Variants in DIP2C observed in about 807,000 individuals in gnomAD.
DIP2C encodes the protein disco-interacting protein 2 homolog C.
DIP2C carries 33 observed loss-of-function variants against 192.4 expected under a neutral mutation model. The observed-to-expected ratio is 0.17, with a 90% CI of 0.13 to 0.23. The LOEUF (loss-of-function observed/expected upper bound fraction) is 0.23, where lower values mean the gene tolerates loss of function less well. DIP2C is among the 10% of genes least tolerant of loss of function. The pLI, the probability that DIP2C is intolerant of heterozygous loss-of-function variation, is 1.00. For missense variants in DIP2C, 1,537 were observed against 2,110.1 expected (o/e 0.73, Z 5.32); for synonymous variants, 979 against 864.1 (o/e 1.13, Z -2.33).
intron 1 of DIP2C, among the ~76,000 whole-genome samples, chr10:569,089 G>A (rs1217250283): frequency 6.6e-6 from 1 of 152,100 alleles, no homozygotes; most frequent in African/African-American, 2.4e-5. Context: ...TGCGGTCAAG[G>A]GTCTGCAAAC....
intron 1 of DIP2C, among the ~76,000 whole-genome samples, chr10:524,492 TTACA>T (rs982681412): frequency 1.3e-5 from 2 of 152,166 alleles, no homozygotes; most frequent in Non-Finnish European, 2.9e-5. Context: ...TTTATATACC[TTACA>T]TATATATGTG....
intron 9 of DIP2C, among the ~76,000 whole-genome samples, chr10:408,645 A>G (rs1417095094): frequency 1.3e-5 from 2 of 152,230 alleles, no homozygotes; most frequent in Non-Finnish European, 2.9e-5. Context: ...AAAAGGCTCT[A>G]CACATAAATG....
chr10:577,723 G>T (rs986249366), intron 1 of DIP2C, among the ~76,000 whole-genome samples: 2 of 152,230 alleles, frequency 1.3e-5, no homozygotes, highest in Admixed American at 6.5e-5. Flanking sequence ...TAATGATGAA[G>T]ACTCTGAACA....
chr10:384,484 T>C, intron 15 of DIP2C, 62 bp downstream of exon 15: 1 of 1,533,000 alleles, frequency 6.5e-7, no homozygotes, highest in Non-Finnish European at 9.0e-7. Context: ...GTGATCCACC[T>C]GCTTTGGCCT....
intron 1 of DIP2C, among the ~76,000 whole-genome samples, chr10:513,561 C>T (rs1301692696): frequency 2.0e-5 from 3 of 152,182 alleles, no homozygotes; most frequent in Non-Finnish European, 2.9e-5. Context: ...CGTGCCACAC[C>T]GCGGTCCACT....
rs7903498 is a variant in DIP2C, at chr10:408,775, T to C, written c.1149+151A>G. The C allele has an allele frequency of 2.9e-4, 192 of 659,908 alleles. No homozygotes were observed. The African/African-American group carries it at 3.2e-3, about 11-fold the overall frequency. The allele number at this position is 659,908 out of a possible 1,614,324, so 40.9% of individuals were successfully genotyped here. A position where few individuals can be genotyped will look rare whatever the true frequency, so the allele number is the denominator to read the frequency against. On this transcript the variant is annotated intron_variant, in intron 9 of 36. Transcript: ENST00000280886. ...GAGACACCATTAATAGTATCTGTCC[T>C]GTGTAACTTACCAGGTAGCAGTTAA...
At position 673,301 on chromosome 10, in the gene DIP2C, A is replaced by G. The variant is rs923640580; in HGVS notation, c.85+16193T>C. Among the ~76,000 whole-genome samples the G allele has an allele frequency of 3.9e-5, 6 of 152,200 alleles. No individual in the cohort carries two copies. The East Asian group carries it at 1.2e-3, about 29-fold the overall frequency. On this transcript the variant is annotated intron_variant, in intron 1 of 36. Coordinates refer to ENST00000280886, the MANE Select transcript of DIP2C (RefSeq NM_014974.3). Reference sequence around the variant, plus strand: ...CAATGCCTGCGATGAATTCCTAACCATTTGAAACCCAGTCTCCTCATCTGT... The same window carrying G: ...CAATGCCTGCGATGAATTCCTAACCGTTTGAAACCCAGTCTCCTCATCTGT...
chr10:538,131 CTG>C (rs1295874080), intron 1 of DIP2C, among the ~76,000 whole-genome samples: 2 of 152,124 alleles, frequency 1.3e-5, no homozygotes, highest in African/African-American at 2.4e-5. Flanking sequence ...TTTCTAGACT[CTG>C]TATCCTCTGT....
intron 1 of DIP2C, among the ~76,000 whole-genome samples, chr10:503,709 C>T (rs967720683): frequency 6.6e-6 from 1 of 152,150 alleles, no homozygotes. Flanking sequence ...TGCCAAACAC[C>T]GAGTTAACGT....
At chr10:300,616 C>T (rs3123235) in intron 32 of DIP2C, among the ~76,000 whole-genome samples, 29,762 of 144,952 alleles carry the variant, frequency 0.21, 1,823 homozygotes, top group East Asian at 0.37. Context: ...GTGGAGAAGC[C>T]GGAACCCAGG....
chr10:398,117 G>GT (rs1335020906), intron 10 of DIP2C, among the ~76,000 whole-genome samples: 1 of 152,208 alleles, frequency 6.6e-6, no homozygotes, highest in African/African-American at 2.4e-5. Context: ...GCTCTCTCTT[G>GT]TGGGGAAAAT....
In DIP2C at chr10:448,787, C is replaced by T. The variant is rs1172437208; in HGVS notation, c.269-7791G>A. On this transcript the variant is annotated intron_variant, in intron 3 of 36. Coordinates refer to ENST00000280886, the MANE Select transcript of DIP2C (RefSeq NM_014974.3). Reference sequence around the variant, plus strand: ...ACTCACCCCTGTCGATACTCAGGATCACACACAGTGGGGCAGCAGGACCCA... The same window carrying T: ...ACTCACCCCTGTCGATACTCAGGATTACACACAGTGGGGCAGCAGGACCCA... Among the ~76,000 whole-genome samples, 76 of 146,368 alleles carry T rather than the reference C, an allele frequency of 5.2e-4. 1 individual carries two copies. The highest frequency in any genetic ancestry group is 1.7e-3 in the African/African-American group (65 of 38,024).
intron 1 of DIP2C, among the ~76,000 whole-genome samples, chr10:604,708 T>G (rs1852344355): frequency 6.6e-6 from 1 of 152,260 alleles, no homozygotes; most frequent in African/African-American, 2.4e-5. Context: ...AAAAGACATT[T>G]GTCAATCTAT....
At chr10:375,167 C>T (rs536338775) in intron 17 of DIP2C, among the ~76,000 whole-genome samples, 2 of 152,224 alleles carry the variant, frequency 1.3e-5, no homozygotes, top group Admixed American at 6.5e-5. Flanking sequence ...TGAAATGTGA[C>T]GTCCAACAAT....
intron 1 of DIP2C, among the ~76,000 whole-genome samples, chr10:534,955 C>T (rs994243114): frequency 5.9e-5 from 9 of 152,112 alleles, no homozygotes; most frequent in Non-Finnish European, 1.0e-4. Flanking sequence ...GGATTACAGG[C>T]GTGAGCCACC....
intron 1 of DIP2C, among the ~76,000 whole-genome samples, chr10:524,856 G>A (rs569312336): frequency 6.0e-5 from 9 of 151,194 alleles, no homozygotes; most frequent in Admixed American, 1.3e-4. Context: ...ATTTTAAAGC[G>A]TAATGATGTC....
chr10:408,273 G>A (rs928560405), intron 9 of DIP2C, among the ~76,000 whole-genome samples: 1 of 150,530 alleles, frequency 6.6e-6, no homozygotes, highest in Non-Finnish European at 1.5e-5. Context: ...TTATCTCTGG[G>A]CCCTTTATTC....
intron 10 of DIP2C, among the ~76,000 whole-genome samples, chr10:394,627 G>A (rs868541677): frequency 1.4e-5 from 2 of 146,850 alleles, no homozygotes; most frequent in Middle Eastern, 4.2e-3. Flanking sequence ...ATGCTGAACA[G>A]GAAGGACATT....
intron 24 of DIP2C, among the ~76,000 whole-genome samples, chr10:352,042 C>T (rs1958837759): frequency 6.6e-6 from 1 of 152,226 alleles, no homozygotes; most frequent in African/African-American, 2.4e-5. Flanking sequence ...AGGGAGGCCC[C>T]GACCCCCACA....
Sources: gnomAD v4.1 joint callset for allele counts (sites outside exome capture counted in the v4.1 genomes callset) on GRCh38, gnomAD v4.1.1 for gene constraint, MANE v1.5 for transcripts, NCBI Gene and HGNC (gene_info 2026-07-23, HGNC 2026-07-21) for gene names.